The following NEDD9 variants were observed in gnomAD, a reference collection of about 807,000 sequenced individuals.
The protein encoded by NEDD9 is neural precursor cell expressed, developmentally down-regulated 9, also known as enhancer of filamentation 1.
A neutral mutation model predicts 76.6 loss-of-function variants in NEDD9; 26 were observed. The ratio of observed to expected loss-of-function variants is 0.34; its 90% confidence interval spans 0.25 to 0.47. The LOEUF is 0.47. Ranked by LOEUF, NEDD9 falls within the 20% of genes least tolerant of loss-of-function variation. NEDD9 has a pLI of 1.00. For synonymous variants in NEDD9, 392 were observed against 414.2 expected (o/e 0.95, Z 0.65); for missense variants, 937 against 1,058.5 (o/e 0.89, Z 1.59).
chr6:11,256,076 A>C (rs921972426), intron 3 of NEDD9, among the ~76,000 whole-genome samples: 5 of 152,162 alleles, frequency 3.3e-5, no homozygotes, highest in Non-Finnish European at 7.3e-5. Context: ...GTCACTATGC[A>C]TGGTTTTTGC....
At chr6:11,239,161 T>A (rs1759662054) in intron 3 of NEDD9, among the ~76,000 whole-genome samples, 1 of 152,028 alleles carries the variant, frequency 6.6e-6, no homozygotes, top group Non-Finnish European at 1.5e-5. Context: ...AGTGAGACCC[T>A]GTCTCTAAAA....
At chr6:11,274,461 A>G (rs920031457) in intron 3 of NEDD9, among the ~76,000 whole-genome samples, 1 of 152,140 alleles carries the variant, frequency 6.6e-6, no homozygotes, top group Non-Finnish European at 1.5e-5. Flanking sequence ...GGTTTCTCAC[A>G]AGCACCCCTA....
intron 3 of NEDD9, among the ~76,000 whole-genome samples, chr6:11,248,588 G>T (rs1432808452): frequency 6.6e-6 from 1 of 152,214 alleles, no homozygotes; most frequent in African/African-American, 2.4e-5. Flanking sequence ...CAGGGAAGGG[G>T]CTTGGCTGTT....
intron 5 of NEDD9, 58 bp from the exon 6 acceptor site, chr6:11,188,365 A>G: frequency 7.3e-7 from 1 of 1,367,024 alleles, no homozygotes; most frequent in South Asian, 1.2e-5. Flanking sequence ...ACTTATGCTA[A>G]CAATTTCATT....
intron 3 of NEDD9, chr6:11,249,134 C>T (rs1397920166): frequency 4.4e-6 from 2 of 455,872 alleles, no homozygotes; most frequent in Non-Finnish European, 8.8e-6. Context: ...TGGGAGGAGA[C>T]TTACATTTAA....
chr6:11,266,315 G>A (rs962582965), intron 3 of NEDD9, among the ~76,000 whole-genome samples: 4 of 152,018 alleles, frequency 2.6e-5, no homozygotes, highest in African/African-American at 9.7e-5. Flanking sequence ...AAACTTGGGT[G>A]GATTCGGGGG....
intron 2 of NEDD9, among the ~76,000 whole-genome samples, chr6:11,321,274 A>G (rs899425355): frequency 1.3e-4 from 20 of 152,174 alleles, no homozygotes; most frequent in African/African-American, 4.6e-4. Flanking sequence ...GCTACAGCTT[A>G]ACAAATAAAA....
intron 2 of NEDD9, among the ~76,000 whole-genome samples, chr6:11,308,345 T>C (rs569972994): frequency 6.8e-6 from 1 of 147,512 alleles, no homozygotes; most frequent in East Asian, 2.0e-4. Context: ...TTTGTCCAAG[T>C]AGGAGGATGG....
At chr6:11,229,154 G>A (rs1759392431) in intron 1 of NEDD9, among the ~76,000 whole-genome samples, 1 of 152,166 alleles carries the variant, frequency 6.6e-6, no homozygotes, top group Non-Finnish European at 1.5e-5. Context: ...CAGAACACAG[G>A]ACTCTGACTT....
At chr6:11,245,827 T>C (rs1290319964) in intron 3 of NEDD9, among the ~76,000 whole-genome samples, 1 of 152,196 alleles carries the variant, frequency 6.6e-6, no homozygotes, top group Non-Finnish European at 1.5e-5. Flanking sequence ...AGAAAGATTA[T>C]GGACCTTAAA....
intron 3 of NEDD9, among the ~76,000 whole-genome samples, chr6:11,269,692 T>C (rs1020792426): frequency 6.6e-6 from 1 of 152,214 alleles, no homozygotes; most frequent in Non-Finnish European, 1.5e-5. Flanking sequence ...AAGATAAATT[T>C]AGTTTGTAAT....
At chr6:11,295,701 G>A (rs1357021270) in intron 3 of NEDD9, among the ~76,000 whole-genome samples, 1 of 152,168 alleles carries the variant, frequency 6.6e-6, no homozygotes, top group Non-Finnish European at 1.5e-5. Context: ...TCTGTGACTT[G>A]CTGGGGTCTT....
rs11759513 is a variant in NEDD9, at chr6:11,198,581, G to A, written c.460-4889C>T. On this transcript the variant is annotated intron_variant, in intron 2 of 6. Transcript: ENST00000379446. This position sits in a 1 kb window ranked among gnomAD's most constrained non-coding sequence, Gnocchi z 4.7. The stretch of plus-strand genomic sequence containing the variant: ...CTGAGCCAGTGATCCACACATCTCT[G>A]ACAGCACTTATCACTTGTGGTTTGA... The A allele has an allele frequency of 0.27, 40,851 of 152,106 alleles. 6,717 individuals carry two copies. The highest frequency in any genetic ancestry group is 0.53 in the South Asian group (2,543 of 4,818). 9.4% of individuals were successfully genotyped at this position (152,106 alleles called of 1,614,324 possible).
intron 3 of NEDD9, among the ~76,000 whole-genome samples, chr6:11,289,268 A>C (rs780305575): frequency 1.3e-5 from 2 of 152,226 alleles, no homozygotes; most frequent in Non-Finnish European, 2.9e-5. Context: ...GTACTCTTTT[A>C]TATCTGACCT....
intron 3 of NEDD9, among the ~76,000 whole-genome samples, chr6:11,273,519 G>A (rs750471896): frequency 1.3e-5 from 2 of 152,218 alleles, no homozygotes; most frequent in African/African-American, 2.4e-5. Context: ...CGGGGACTGC[G>A]CCTATCTGTG....
At chr6:11,263,978 C>T (rs373848294) in intron 3 of NEDD9, among the ~76,000 whole-genome samples, 4 of 152,122 alleles carry the variant, frequency 2.6e-5, no homozygotes, top group South Asian at 2.1e-4. Flanking sequence ...TATCTGAACA[C>T]GGGCATATTC....
chr6:11,223,912 G>A (rs937874760), intron 1 of NEDD9, among the ~76,000 whole-genome samples: 2 of 152,210 alleles, frequency 1.3e-5, no homozygotes, highest in Admixed American at 1.3e-4. Flanking sequence ...AAGGGAGATG[G>A]GATAATGCCT....
chr6:11,329,455 C>T (rs1457313495), intron 2 of NEDD9, among the ~76,000 whole-genome samples: 1 of 152,218 alleles, frequency 6.6e-6, no homozygotes, highest in Non-Finnish European at 1.5e-5. Flanking sequence ...GGCTTCCCTG[C>T]AGTTCTTTAG....
intron 2 of NEDD9, among the ~76,000 whole-genome samples, chr6:11,210,556 A>T (rs1249822807): frequency 6.6e-6 from 1 of 152,178 alleles, no homozygotes; most frequent in Non-Finnish European, 1.5e-5. Flanking sequence ...GTGTGCTGGG[A>T]TTATCTCTTA....
Sources: allele counts gnomAD v4.1 joint callset (sites outside exome capture counted in the v4.1 genomes callset), GRCh38; gene constraint gnomAD v4.1.1; non-coding constraint Gnocchi (gnomAD v3.1); transcripts MANE v1.5; gene names NCBI Gene and HGNC (gene_info 2026-07-23, HGNC 2026-07-21).